The following KIF26A variants were observed in gnomAD, a reference collection of about 807,000 sequenced individuals.
KIF26A encodes the protein kinesin-like protein KIF26A.
In KIF26A, 74 loss-of-function variants were observed where a neutral mutation model predicts 126.0. That is an observed-to-expected ratio of 0.59 (90% confidence interval 0.49 to 0.71). The LOEUF (loss-of-function observed/expected upper bound fraction) is 0.71, where lower values mean the gene tolerates loss of function less well. Among genes scored for constraint, KIF26A ranks in the 30% least tolerant of loss-of-function variants. The pLI, the probability that KIF26A is intolerant of heterozygous loss-of-function variation, is 0.00. For missense variants in KIF26A, 2,984 were observed against 2,763.3 expected (o/e 1.08, Z -1.79); for synonymous variants, 1,445 against 1,232.7 (o/e 1.17, Z -3.61).
In KIF26A at chr14:104,138,592, C is replaced by T; in HGVS notation, c.-131C>T. On this transcript the variant is annotated 5_prime_UTR_variant, in exon 1 of 15. Coordinates refer to ENST00000423312, the MANE Select transcript of KIF26A (RefSeq NM_015656.2). Reference sequence around the variant, plus strand: ...GCCACCGCGCTCCTCGCGACACTCGCAGGCTCTGCGAACTTCCGAGCGGCT... The same window carrying T: ...GCCACCGCGCTCCTCGCGACACTCGTAGGCTCTGCGAACTTCCGAGCGGCT... 3 of 661,692 alleles carry T rather than the reference C, an allele frequency of 4.5e-6. No homozygotes were observed. Among genetic ancestry groups the T allele is most frequent in the Non-Finnish European group, 6.1e-6 (3 of 489,002 alleles). 41.0% of individuals were successfully genotyped at this position (661,692 alleles called of 1,614,324 possible). A position where few individuals can be genotyped will look rare whatever the true frequency, so the allele number is the denominator to read the frequency against.
At chr14:104,168,463 G>T (rs2037927415) in intron 5 of KIF26A, among the ~76,000 whole-genome samples, 1 of 152,220 alleles carries the variant, frequency 6.6e-6, no homozygotes, top group Admixed American at 6.5e-5. Flanking sequence ...GGGCATAGGG[G>T]CTCTGGGGCG....
At chr14:104,149,456 G>A (rs1017092700) in intron 2 of KIF26A, among the ~76,000 whole-genome samples, 4 of 152,184 alleles carry the variant, frequency 2.6e-5, no homozygotes, top group South Asian at 2.1e-4. Context: ...CAGCAGCCTC[G>A]GCTTGTCCCC....
rs893837425 is a variant in KIF26A at position 104,151,699 on chromosome 14, C to T, written c.289-316C>T. 3.9e-5 allele frequency among the ~76,000 whole-genome samples: 6 copies of T among 152,214 alleles called. No individual in the cohort carries two copies. Among genetic ancestry groups the T allele is most frequent in the African/African-American group, 7.2e-5 (3 of 41,456 alleles). ...AGTCTCCTGCGTGTCCCCGGCCAGGCGGCCTTAGCTGACAGTGGTCCGGTT... is the reference window on the plus strand; with the variant it reads ...AGTCTCCTGCGTGTCCCCGGCCAGGTGGCCTTAGCTGACAGTGGTCCGGTT... On this transcript the variant is annotated intron_variant, in intron 2 of 14. Transcript: ENST00000423312. This position sits in a 1 kb window ranked among gnomAD's most constrained non-coding sequence, Gnocchi z 4.9.
intron 5 of KIF26A, among the ~76,000 whole-genome samples, 197 bp downstream of exon 5, chr14:104,167,245 G>C (rs529543604): frequency 6.6e-6 from 1 of 152,202 alleles, no homozygotes; most frequent in Admixed American, 6.5e-5. Context: ...TGGGACTGCC[G>C]GGATGGGAGG....
rs1334918191 is a variant in KIF26A at position 104,173,407 on chromosome 14, C to A, written c.1761C>A (p.Arg587=). 2 of 1,582,914 alleles carry A rather than the reference C, an allele frequency of 1.3e-6. No individual in the cohort carries two copies. Among genetic ancestry groups the A allele is most frequent in the Non-Finnish European group, 1.7e-6 (2 of 1,165,904 alleles). The change falls in exon 9 of 15, where the codon CGC becomes CGA. Residue 587 remains arginine, a synonymous_variant. Transcript: ENST00000423312. ...AFYLDAALAA[R]STSRAGCGED... is the part of the protein sequence containing the mutation. Reference sequence around the variant, plus strand: ...ACCTGGATGCGGCCCTGGCGGCCCGCAGCACCAGCCGAGCGGGCTGTGGCG... The same window carrying A: ...ACCTGGATGCGGCCCTGGCGGCCCGAAGCACCAGCCGAGCGGGCTGTGGCG...
At position 104,171,832 on chromosome 14, in the gene KIF26A, C is replaced by T; in HGVS notation, c.1223C>T (p.Pro408Leu). Reference sequence around the variant, plus strand: ...AAGAAGCAGGTGATCCTCTACGATCCCGCCGCCGGTCCCCCAGGCAGCGCA... The same window carrying T: ...AAGAAGCAGGTGATCCTCTACGATCTCGCCGCCGGTCCCCCAGGCAGCGCA... ...PRKKQVILYD[P>L]AAGPPGSAGP... is the part of the protein sequence containing the mutation. The change falls in exon 6 of 15, where the codon CCC becomes CTC. Residue 408 changes from proline (P) to leucine (L), a missense_variant. Transcript: ENST00000423312. The T allele has an allele frequency of 6.4e-7, 1 of 1,557,796 alleles. No homozygotes were observed. Among genetic ancestry groups the T allele is most frequent in the East Asian group, 2.4e-5 (1 of 41,340 alleles).
At chr14:104,155,844 G>A (rs897252246) in intron 3 of KIF26A, among the ~76,000 whole-genome samples, 3 of 152,220 alleles carry the variant, frequency 2.0e-5, no homozygotes, top group Admixed American at 6.5e-5. Flanking sequence ...GATGGGGGAG[G>A]GCTCGGGCCC....
Position 104,173,427 on chromosome 14 carries a change from G to A in KIF26A, c.1781G>A (p.Cys594Tyr). 1 of 1,585,774 alleles carries A rather than the reference G, an allele frequency of 6.3e-7. No homozygotes were observed. Among genetic ancestry groups the A allele is most frequent in the Non-Finnish European group, 8.6e-7 (1 of 1,166,696 alleles). The change falls in exon 9 of 15, where the codon TGT becomes TAT. Residue 594 changes from cysteine to tyrosine, a missense_variant. Coordinates refer to ENST00000423312, the MANE Select transcript of KIF26A (RefSeq NM_015656.2). Reference sequence around the variant, plus strand: ...GCCCGCAGCACCAGCCGAGCGGGCTGTGGCGAGGACGCCCGACGCAGCTCC... The same window carrying A: ...GCCCGCAGCACCAGCCGAGCGGGCTATGGCGAGGACGCCCGACGCAGCTCC... ...LAARSTSRAGCGEDARRSSHM... is the reference protein window; with the variant it reads ...LAARSTSRAGYGEDARRSSHM...
chr14:104,165,289 CTCTG>C (rs2037877278), intron 4 of KIF26A, among the ~76,000 whole-genome samples: 1 of 148,614 alleles, frequency 6.7e-6, no homozygotes. Flanking sequence ...ATGTGTGTGT[CTCTG>C]TATGCATGTG....
In KIF26A at chr14:104,139,152, C is replaced by T. The variant is rs1326354114; in HGVS notation, c.152C>T (p.Pro51Leu). Residue 51 changes from proline to leucine, a missense_variant, in exon 2 of 15, where the codon CCC (proline) becomes CTC (leucine). Transcript: ENST00000423312. ...GACCCATGCGGCAGCCGCCCTGCTC[C>T]CGAAGGCGCCGGGGCCGGCCCAGAG... is the stretch of plus-strand genomic sequence containing the variant. ...DQDPCGSRPA[P>L]EGAGAGPEQG... 1 of 1,516,882 alleles carries T rather than the reference C, an allele frequency of 6.6e-7. No individual in the cohort carries two copies. 94.0% of individuals were successfully genotyped at this position (1,516,882 alleles called of 1,614,324 possible).
rs375760543 is a variant in KIF26A, at chr14:104,157,765, C to T, written c.746C>T (p.Ala249Val). The T allele has an allele frequency of 2.3e-4, 376 of 1,610,446 alleles. No individual in the cohort carries two copies. Among genetic ancestry groups the T allele is most frequent in the Non-Finnish European group, 2.9e-4 (336 of 1,178,940 alleles). ...FLPPACLAEAAVAAVAVADTV... is the reference protein window; with the variant it reads ...FLPPACLAEAVVAAVAVADTV... The stretch of plus-strand genomic sequence containing the variant: ...TCTCCTTCCCTCCAGGCCGAGGCAG[C>T]GGTGGCGGCCGTGGCGGTGGCAGAC... Residue 249 changes from alanine to valine, a missense_variant, in exon 4 of 15, where the codon GCG becomes GTG. Transcript: ENST00000423312.
At chr14:104,156,921 C>T (rs551244796) in intron 3 of KIF26A, among the ~76,000 whole-genome samples, 78 of 152,194 alleles carry the variant, frequency 5.1e-4, no homozygotes, top group East Asian at 9.7e-4. Context: ...CCTGGGTGAC[C>T]GTGACCTGAC....
chr14:104,158,984 A>G (rs1218645948), intron 4 of KIF26A, among the ~76,000 whole-genome samples: 1 of 152,212 alleles, frequency 6.6e-6, no homozygotes, highest in Admixed American at 6.5e-5. Context: ...CCCAGCGGCC[A>G]GAGACGAGGG....
intron 4 of KIF26A, among the ~76,000 whole-genome samples, chr14:104,161,991 C>T (rs990189359): frequency 9.2e-5 from 14 of 152,302 alleles, no homozygotes; most frequent in African/African-American, 3.4e-4. Context: ...AAAGTAAGTT[C>T]CTGCCTCCAC....
At chr14:104,162,412 G>A (rs1419552436) in intron 4 of KIF26A, among the ~76,000 whole-genome samples, 1 of 152,204 alleles carries the variant, frequency 6.6e-6, no homozygotes, top group Non-Finnish European at 1.5e-5. Context: ...GATCTGTGCT[G>A]CGGACGCTGC....
chr14:104,164,320 C>T (rs1045520970), intron 4 of KIF26A, among the ~76,000 whole-genome samples: 5 of 152,026 alleles, frequency 3.3e-5, no homozygotes, highest in African/African-American at 4.8e-5. Flanking sequence ...CGGTGGTCAG[C>T]GTTCACCACA....
chr14:104,167,069 G>C lies in KIF26A; in HGVS notation c.1113+21G>C, dbSNP rs375274528. Reference sequence around the variant, plus strand: ...GGAAGGTAGACGCAGCCCCGAGTTCGGGGCCCTGGGTGGGGAGGCCAGAGG... The same window carrying C: ...GGAAGGTAGACGCAGCCCCGAGTTCCGGGCCCTGGGTGGGGAGGCCAGAGG... On this transcript the variant is annotated intron_variant, in intron 5 of 14. Coordinates refer to ENST00000423312, the MANE Select transcript of KIF26A (RefSeq NM_015656.2). 64 of 1,504,306 alleles carry C rather than the reference G, an allele frequency of 4.3e-5. 1 individual carries two copies. In the Middle Eastern group the frequency reaches 2.3e-3, roughly 55 times the overall value. 93.2% of individuals were successfully genotyped at this position (1,504,306 alleles called of 1,614,324 possible).
chr14:104,162,069 T>C (rs10149750), intron 4 of KIF26A, among the ~76,000 whole-genome samples: 77,268 of 152,108 alleles, frequency 0.51, 20,080 homozygotes, highest in African/African-American at 0.63. Context: ...CTGTGTCTGA[T>C]GGTCGTTTCC....
rs754099913 is a variant in KIF26A at position 104,152,324 on chromosome 14, G to T, written c.598G>T (p.Gly200Trp). The T allele has an allele frequency of 6.3e-7, 1 of 1,580,096 alleles. No individual in the cohort carries two copies. Among genetic ancestry groups the T allele is most frequent in the Non-Finnish European group, 8.6e-7 (1 of 1,165,602 alleles). ...DRTKGLAWSP[G>W]PSVQVSVAPA... ...GACCAAGGGGCTGGCCTGGTCCCCCGGGCCCAGTGTCCAGGTGTCTGTAGC... is the reference window on the plus strand; with the variant it reads ...GACCAAGGGGCTGGCCTGGTCCCCCTGGCCCAGTGTCCAGGTGTCTGTAGC... The change falls in exon 3 of 15, where the codon GGG (glycine) becomes TGG (tryptophan). Residue 200 changes from glycine (G) to tryptophan (W), a missense_variant. Physicochemically the swap from Gly to Trp is radical, Grantham distance 184 (BLOSUM62 -2). Coordinates refer to ENST00000423312, the MANE Select transcript of KIF26A (RefSeq NM_015656.2). The surrounding 1 kb of genome is among the most constrained non-coding windows in gnomAD (Gnocchi z 5.9).
Sources: allele counts gnomAD v4.1 joint callset (sites outside exome capture counted in the v4.1 genomes callset), GRCh38; gene constraint gnomAD v4.1.1; non-coding constraint Gnocchi (gnomAD v3.1); transcripts MANE v1.5; gene names NCBI Gene and HGNC (gene_info 2026-07-23, HGNC 2026-07-21).